RALGAPA2: variants seen among roughly 807,000 people sequenced by gnomAD.
RALGAPA2 encodes ral GTPase-activating protein subunit alpha-2.
A neutral mutation model predicts 230.4 loss-of-function variants in RALGAPA2; 139 were observed. That is an observed-to-expected ratio of 0.60 (90% CI 0.53 to 0.69). The LOEUF is 0.69. Ranked by LOEUF, RALGAPA2 falls within the 30% of genes least tolerant of loss-of-function variation. RALGAPA2 has a pLI of 0.00. For synonymous variants in RALGAPA2, 847 were observed against 837.8 expected (o/e 1.01, Z -0.19); for missense variants, 2,163 against 2,276.0 (o/e 0.95, Z 1.01).
intron 20 of RALGAPA2, among the ~76,000 whole-genome samples, chr20:20,576,477 T>C (rs2064822618): frequency 6.6e-6 from 1 of 152,154 alleles, no homozygotes; most frequent in Non-Finnish European, 1.5e-5. Context: ...ATCTTTCTCA[T>C]AGGCTTTTCT....
In RALGAPA2 at chr20:20,712,404, G is replaced by C; in HGVS notation, c.77C>G (p.Thr26Ser). 3 of 1,552,202 alleles carry C rather than the reference G, an allele frequency of 1.9e-6. No homozygotes were observed. Among genetic ancestry groups the C allele is most frequent in the Non-Finnish European group, 2.6e-6 (3 of 1,147,358 alleles). ...KVLDPKKDVL[T>S]RLKHLRALLD... ...CAGCGCCCGCAGGTGCTTCAGGCGG[G>C]TCAGCACGTCCTTCTTCGGGTCCAG... is the stretch of plus-strand genomic sequence containing the variant. The change falls in exon 1 of 40, where the codon ACC (threonine) becomes AGC (serine). Residue 26 changes from threonine (T) to serine (S), a missense_variant. Thr to Ser is a moderately conservative substitution (Grantham distance 58). Coordinates refer to ENST00000202677, the MANE Select transcript of RALGAPA2 (RefSeq NM_020343.4). This position sits in a 1 kb window ranked among gnomAD's most constrained non-coding sequence, Gnocchi z 5.5.
intron 37 of RALGAPA2, among the ~76,000 whole-genome samples, chr20:20,414,108 G>A (rs1478634229): frequency 1.3e-5 from 2 of 152,262 alleles, no homozygotes; most frequent in South Asian, 2.1e-4. Flanking sequence ...AAGCTGGCAC[G>A]TGCTGGCCCA....
rs144698582 is a variant in RALGAPA2 at position 20,494,581 on chromosome 20, G to A, written c.5367+536C>T. Among the ~76,000 whole-genome samples the A allele has an allele frequency of 2.4e-3, 360 of 152,276 alleles. 1 individual carries two copies. In the Middle Eastern group the frequency reaches 0.034, roughly 14 times the overall value. ...ATGGCTGAATTGATTCTGCAGCAAG[G>A]TGCTCCAATTGTTGAAACTCATCAC... On this transcript the variant is annotated intron_variant, in intron 36 of 39. Coordinates refer to ENST00000202677, the MANE Select transcript of RALGAPA2 (RefSeq NM_020343.4).
intron 37 of RALGAPA2, among the ~76,000 whole-genome samples, chr20:20,467,158 C>T (rs2061437002): frequency 6.6e-6 from 1 of 152,176 alleles, no homozygotes; most frequent in African/African-American, 2.4e-5. Flanking sequence ...AGTGAAATCA[C>T]CCAACTCTCA....
chr20:20,708,319 G>A lies in RALGAPA2; in HGVS notation c.106+4056C>T, dbSNP rs144406204. ...GTCTAACCATTCTTTGGAACCCAGC[G>A]TAAGTAAAACGTTGATATGATTTGG... is the stretch of plus-strand genomic sequence containing the variant. On this transcript the variant is annotated intron_variant, in intron 1 of 39. Transcript: ENST00000202677. Among the ~76,000 whole-genome samples, 498 of 152,240 alleles carry A rather than the reference G, an allele frequency of 3.3e-3. 1 individual carries two copies. The highest frequency in any genetic ancestry group is 8.3e-3 in the South Asian group (40 of 4,806).
At chr20:20,463,715 C>A (rs910312636) in intron 37 of RALGAPA2, among the ~76,000 whole-genome samples, 4 of 152,172 alleles carry the variant, frequency 2.6e-5, no homozygotes, top group African/African-American at 9.7e-5. Context: ...GAAGCTCTGT[C>A]ATTCCCAAAG....
intron 23 of RALGAPA2, among the ~76,000 whole-genome samples, chr20:20,558,381 A>G (rs1463353172): frequency 6.6e-6 from 1 of 152,206 alleles, no homozygotes; most frequent in East Asian, 1.9e-4. Context: ...TTTACCTAAT[A>G]ATCATTTAAA....
chr20:20,609,401 TTTCAGGGAAGTCAGGTTAACTGAGC>T (rs2146269843), intron 14 of RALGAPA2, among the ~76,000 whole-genome samples: 1 of 152,200 alleles, frequency 6.6e-6, no homozygotes, highest in East Asian at 1.9e-4. Flanking sequence ...CAAAACTAAG[TTTCAGGGAAGTCAGGTTAACTGAGC>T]TTCAGGGAAG....
intron 23 of RALGAPA2, among the ~76,000 whole-genome samples, chr20:20,554,116 TCAAAATGAAGCCTATAC>T (rs1368209791): frequency 1.3e-5 from 2 of 152,198 alleles, no homozygotes; most frequent in Non-Finnish European, 2.9e-5. Context: ...TTTCATTACC[TCAAAATGAAGCCTATAC>T]CAAAATGAAG....
In RALGAPA2 at chr20:20,685,040, G is replaced by GA. The variant is rs1568751731; in HGVS notation, c.107-4240dup. Among the ~76,000 whole-genome samples the GA allele has an allele frequency of 5.4e-5, 8 of 149,490 alleles. No individual in the cohort carries two copies. The South Asian group carries it at 1.7e-3, about 32-fold the overall frequency. On this transcript the variant is annotated intron_variant, in intron 1 of 39. Coordinates refer to ENST00000202677, the MANE Select transcript of RALGAPA2 (RefSeq NM_020343.4). ...AATGGAATTTAGCAACCTGCGAAAA[G>GA]AAACACAAGAAAGGATCAAAAGCCT...
intron 1 of RALGAPA2, among the ~76,000 whole-genome samples, chr20:20,697,560 C>A (rs534502304): frequency 2.0e-5 from 3 of 152,128 alleles, no homozygotes; most frequent in Non-Finnish European, 4.4e-5. Flanking sequence ...CTCGGAAAGA[C>A]AGGAGCCAGA....
At chr20:20,440,723 C>CT (rs2060720070) in intron 37 of RALGAPA2, among the ~76,000 whole-genome samples, 1 of 152,244 alleles carries the variant, frequency 6.6e-6, no homozygotes, top group Admixed American at 6.5e-5. Context: ...GCACCTGGTA[C>CT]TCCCCGGCCC....
intron 3 of RALGAPA2, among the ~76,000 whole-genome samples, chr20:20,658,883 A>G (rs1163048052): frequency 1.3e-5 from 2 of 152,238 alleles, no homozygotes; most frequent in African/African-American, 4.8e-5. Context: ...ACTTGATTTC[A>G]ATTCCACTTA....
intron 1 of RALGAPA2, among the ~76,000 whole-genome samples, chr20:20,684,211 G>A (rs989880437): frequency 1.3e-5 from 2 of 151,898 alleles, no homozygotes; most frequent in Non-Finnish European, 2.9e-5. Flanking sequence ...TCCTCCCCCC[G>A]GCCCTCTCTC....
intron 23 of RALGAPA2, among the ~76,000 whole-genome samples, chr20:20,566,649 CCT>C (rs1378495570): frequency 3.9e-5 from 6 of 152,156 alleles, no homozygotes; most frequent in Non-Finnish European, 8.8e-5. Context: ...CATGTTTTTA[CCT>C]CTTTCAAGTC....
intron 27 of RALGAPA2, among the ~76,000 whole-genome samples, chr20:20,529,626 T>C (rs1282606142): frequency 6.6e-6 from 1 of 152,236 alleles, no homozygotes; most frequent in Non-Finnish European, 1.5e-5. Flanking sequence ...TACCATTGTG[T>C]TCCAATTGAA....
intron 9 of RALGAPA2, among the ~76,000 whole-genome samples, chr20:20,634,724 A>C (rs181584297): frequency 2.6e-5 from 4 of 152,264 alleles, no homozygotes; most frequent in East Asian, 3.9e-4. Flanking sequence ...AGAGCACACA[A>C]CACCATGATC....
chr20:20,422,930 G>A (rs57399711), intron 37 of RALGAPA2, among the ~76,000 whole-genome samples: 3,487 of 152,306 alleles, frequency 0.023, 115 homozygotes, highest in African/African-American at 0.08. Flanking sequence ...AGACTGCAAT[G>A]GGCTGGTTAC....
At chr20:20,670,986 C>T (rs1437285883) in intron 3 of RALGAPA2, among the ~76,000 whole-genome samples, 1 of 151,470 alleles carries the variant, frequency 6.6e-6, no homozygotes, top group African/African-American at 2.4e-5. Flanking sequence ...TAAACAACTC[C>T]ATGAACCAAC....
Sources: gnomAD v4.1 joint callset for allele counts (sites outside exome capture counted in the v4.1 genomes callset) on GRCh38, gnomAD v4.1.1 for gene constraint, Gnocchi (gnomAD v3.1) non-coding constraint, MANE v1.5 for transcripts, NCBI Gene and HGNC (gene_info 2026-07-23, HGNC 2026-07-21) for gene names.